COL14A1: variants seen among roughly 807,000 people sequenced by gnomAD.
The protein encoded by COL14A1 is collagen type XIV alpha 1 chain.
Under a neutral mutation model 230.3 loss-of-function variants are expected in COL14A1, and 136 were observed. That is an observed-to-expected ratio of 0.59 (90% CI 0.51 to 0.68). The LOEUF is 0.68. Ranked by LOEUF, COL14A1 falls within the 30% of genes least tolerant of loss-of-function variation. The probability of loss-of-function intolerance (pLI) is 0.00; values close to 1 mark genes in which losing one functional copy is unlikely to be tolerated. For synonymous variants in COL14A1, 792 were observed against 784.1 expected, an observed-to-expected ratio of 1.01 and a Z score of -0.17; for missense variants, 1,976 against 2,215.8, an observed-to-expected ratio of 0.89 and a Z score of 2.17.
At chr8:120,340,153 G>C (rs902151780) in intron 42 of COL14A1, among the ~76,000 whole-genome samples, 1 of 151,012 alleles carries the variant, frequency 6.6e-6, no homozygotes, top group Non-Finnish European at 1.5e-5. Flanking sequence ...AGACATAGCA[G>C]GGCAAGGGAG....
At chr8:120,175,616 A>C (rs1239910640) in intron 5 of COL14A1, among the ~76,000 whole-genome samples, 1 of 152,154 alleles carries the variant, frequency 6.6e-6, no homozygotes. Flanking sequence ...ATAAGGTTTT[A>C]TTGGAACACA....
intron 32 of COL14A1, among the ~76,000 whole-genome samples, chr8:120,284,002 T>G (rs567928885): frequency 1.5e-4 from 23 of 152,184 alleles, no homozygotes; most frequent in Non-Finnish European, 2.8e-4. Flanking sequence ...AAGCCTGGGA[T>G]GCAGTAGTGA....
At chr8:120,335,949 A>T (rs542214295) in intron 42 of COL14A1, among the ~76,000 whole-genome samples, 2 of 152,322 alleles carry the variant, frequency 1.3e-5, no homozygotes, top group African/African-American at 4.8e-5. Context: ...TGGGTCCTTG[A>T]TGTAGCCCTG....
chr8:120,187,722 A>G (rs1816691822), intron 5 of COL14A1, among the ~76,000 whole-genome samples: 2 of 152,236 alleles, frequency 1.3e-5, no homozygotes, highest in Admixed American at 1.3e-4. Flanking sequence ...AAAACATTCT[A>G]GACAAATAAT....
intron 22 of COL14A1, among the ~76,000 whole-genome samples, chr8:120,251,638 GTTTA>G (rs1384594024): frequency 3.3e-5 from 5 of 152,130 alleles, no homozygotes; most frequent in African/African-American, 9.7e-5. Flanking sequence ...CGCATGATCT[GTTTA>G]TTTATTTGGA....
At chr8:120,190,409 C>G (rs1390271670) in intron 5 of COL14A1, among the ~76,000 whole-genome samples, 9 of 152,162 alleles carry the variant, frequency 5.9e-5, no homozygotes, top group Non-Finnish European at 1.2e-4. Flanking sequence ...GAGTAGGATG[C>G]GAACATTTTC....
chr8:120,163,280 G>C (rs935557487), intron 4 of COL14A1, among the ~76,000 whole-genome samples: 1 of 152,196 alleles, frequency 6.6e-6, no homozygotes, highest in South Asian at 2.1e-4. Flanking sequence ...CTCTGCCCGA[G>C]TAATGGGCTG....
chr8:120,285,145 T>A (rs1288259066), intron 32 of COL14A1, among the ~76,000 whole-genome samples: 4 of 151,984 alleles, frequency 2.6e-5, no homozygotes, highest in African/African-American at 9.7e-5. Flanking sequence ...AGTTGGTTGC[T>A]GCAGTGGGTT....
At chr8:120,228,823 T>C (rs1053885644) in intron 18 of COL14A1, 54 bp downstream of exon 18, 2 of 1,404,550 alleles carry the variant, frequency 1.4e-6, no homozygotes, top group Admixed American at 1.7e-5. Context: ...TTTAAACAGA[T>C]GTTATATTAT....
chr8:120,216,576 T>C, intron 14 of COL14A1, 86 bp downstream of exon 14: 6 of 1,315,680 alleles, frequency 4.6e-6, no homozygotes, highest in Non-Finnish European at 4.2e-6. Context: ...CAAAGCCTAG[T>C]GGCTTAAAAT....
intron 23 of COL14A1, among the ~76,000 whole-genome samples, chr8:120,260,044 T>C (rs1203055660): frequency 6.6e-6 from 1 of 152,158 alleles, no homozygotes; most frequent in Non-Finnish European, 1.5e-5. Flanking sequence ...TTAAATGTTA[T>C]CATTTTTCAT....
chr8:120,281,186 A>T, intron 31 of COL14A1, 127 bp downstream of exon 31: 1 of 821,654 alleles, frequency 1.2e-6, no homozygotes. Flanking sequence ...AGAGTAGAAG[A>T]TATTTACATT....
chr8:120,327,375 C>T (rs1395494241), intron 40 of COL14A1, among the ~76,000 whole-genome samples: 1 of 152,154 alleles, frequency 6.6e-6, no homozygotes, highest in East Asian at 1.9e-4. Context: ...AATTCACACT[C>T]CAGAGCTCCC....
chr8:120,222,887 C>T (rs886398870), intron 14 of COL14A1, among the ~76,000 whole-genome samples: 1 of 152,126 alleles, frequency 6.6e-6, no homozygotes, highest in African/African-American at 2.4e-5. Context: ...AAAGTAATTT[C>T]AGGTTGCCAT....
At chr8:120,212,300 A>G in intron 12 of COL14A1, 148 bp from the exon 13 acceptor site, 1 of 680,084 alleles carries the variant, frequency 1.5e-6, no homozygotes, top group Non-Finnish European at 2.4e-6. Flanking sequence ...AAGACAATTT[A>G]AAAATTATGA....
At chr8:120,158,823 G>A (rs1398782225) in intron 3 of COL14A1, among the ~76,000 whole-genome samples, 1 of 151,996 alleles carries the variant, frequency 6.6e-6, no homozygotes, top group Admixed American at 6.6e-5. Flanking sequence ...TTTAAATAAT[G>A]AAGTATCTTT....
intron 1 of COL14A1, among the ~76,000 whole-genome samples, chr8:120,140,923 A>T (rs938523295): frequency 2.0e-5 from 3 of 152,224 alleles, no homozygotes; most frequent in Non-Finnish European, 4.4e-5. Flanking sequence ...TGTATTAAAC[A>T]TTATCAACTT....
chr8:120,184,791 A>G (rs1816594207), intron 5 of COL14A1, among the ~76,000 whole-genome samples: 1 of 152,182 alleles, frequency 6.6e-6, no homozygotes, highest in African/African-American at 2.4e-5. Flanking sequence ...ATATGAGCTC[A>G]AGGCAGTCAG....
At chr8:120,258,115 C>T (rs1376789343) in intron 23 of COL14A1, among the ~76,000 whole-genome samples, 1 of 152,086 alleles carries the variant, frequency 6.6e-6, no homozygotes, top group African/African-American at 2.4e-5. Context: ...AAACTTAAGC[C>T]GAAGGGTCAA....
Sources: gnomAD v4.1 joint callset for allele counts (sites outside exome capture counted in the v4.1 genomes callset) on GRCh38, gnomAD v4.1.1 for gene constraint, MANE v1.5 for transcripts, NCBI Gene and HGNC (gene_info 2026-07-23, HGNC 2026-07-21) for gene names.